MBTD1: variants seen among roughly 807,000 people sequenced by gnomAD.
MBTD1 encodes mbt domain containing 1, also known as MBT domain-containing protein 1.
In MBTD1, 24 loss-of-function variants were observed where a neutral mutation model predicts 87.8. The ratio of observed to expected loss-of-function variants is 0.27; its 90% CI spans 0.20 to 0.38. The LOEUF (loss-of-function observed/expected upper bound fraction) is 0.38, where lower values mean the gene tolerates loss of function less well. MBTD1 is among the 10% of genes least tolerant of loss of function. MBTD1 has a pLI of 1.00. For synonymous variants in MBTD1, 237 were observed against 248.6 expected (o/e 0.95, Z 0.44); for missense variants, 436 against 760.2 (o/e 0.57, Z 5.02).
At chr17:51,209,502 A>C (rs1428576103) in intron 6 of MBTD1, 4 of 470,774 alleles carry the variant, frequency 8.5e-6, no homozygotes, top group African/African-American at 8.0e-5. Context: ...CCCAACACAA[A>C]TGTATGACAA....
Position 51,259,888 on chromosome 17 carries a change from C to T in MBTD1, c.-166G>A, listed in dbSNP as rs1045307802. 6 of 1,232,054 alleles carry T rather than the reference C, an allele frequency of 4.9e-6. No homozygotes were observed. Among genetic ancestry groups the T allele is most frequent in the South Asian group, 8.2e-5 (2 of 24,364 alleles). The allele number at this position is 1,232,054 out of a possible 1,614,324, so 76.3% of individuals were successfully genotyped here. The stretch of plus-strand genomic sequence containing the variant: ...TCATGGGTAGGGGTTGTCCGTGCTC[C>T]CCGAGCCCGCGGCGCCCCCTCCCCG... On this transcript the variant is annotated 5_prime_UTR_variant, in exon 1 of 17. Transcript: ENST00000586178.
At chr17:51,249,251 G>A (rs575164860) in intron 2 of MBTD1, among the ~76,000 whole-genome samples, 1 of 151,954 alleles carries the variant, frequency 6.6e-6, no homozygotes, top group South Asian at 2.1e-4. Flanking sequence ...CAGAGTTGGG[G>A]GTGGGGGGAA....
intron 2 of MBTD1, among the ~76,000 whole-genome samples, chr17:51,248,725 C>T (rs2054597716): frequency 1.3e-5 from 2 of 152,154 alleles, no homozygotes; most frequent in South Asian, 2.1e-4. Context: ...GAGTAATACT[C>T]GTCAATGTAT....
Position 51,177,919 on chromosome 17 carries a change from G to A in MBTD1, c.*2657C>T, listed in dbSNP as rs1385175372. ...TAGCACCATAATACAAATATTGATG[G>A]GAGAGGGTATTCACATCACGCAAAA... On this transcript the variant is annotated 3_prime_UTR_variant, in exon 17 of 17. Coordinates refer to ENST00000586178, the MANE Select transcript of MBTD1 (RefSeq NM_017643.3). 1.3e-5 allele frequency: 2 copies of A among 151,974 alleles called. No homozygotes were observed. The highest frequency in any genetic ancestry group is 4.8e-5 in the African/African-American group (2 of 41,382). 9.4% of individuals were successfully genotyped at this position (151,974 alleles called of 1,614,324 possible).
intron 13 of MBTD1, among the ~76,000 whole-genome samples, chr17:51,194,956 G>A (rs2051014982): frequency 6.6e-6 from 1 of 152,158 alleles, no homozygotes; most frequent in African/African-American, 2.4e-5. Context: ...TGACTCAACA[G>A]AGTTTGAGAA....
chr17:51,243,194 T>TTG (rs768368081), intron 2 of MBTD1, among the ~76,000 whole-genome samples: 28 of 152,196 alleles, frequency 1.8e-4, no homozygotes, highest in Non-Finnish European at 3.1e-4. Flanking sequence ...TTGAGAGTGC[T>TTG]TGTTTCCCCA....
chr17:51,188,672 C>T (rs749935420), intron 16 of MBTD1, among the ~76,000 whole-genome samples: 2 of 151,324 alleles, frequency 1.3e-5, no homozygotes, highest in East Asian at 1.9e-4. Flanking sequence ...AAATAAGAGG[C>T]GGCGGCACCA....
intron 12 of MBTD1, among the ~76,000 whole-genome samples, chr17:51,197,623 T>G (rs985188134): frequency 3.2e-4 from 48 of 151,418 alleles, no homozygotes; most frequent in African/African-American, 1.1e-3. Flanking sequence ...GCTCCCACCC[T>G]AGCCTCCTGG....
chr17:51,206,061 T>A (rs957963236), intron 7 of MBTD1, among the ~76,000 whole-genome samples: 1 of 152,168 alleles, frequency 6.6e-6, no homozygotes, highest in African/African-American at 2.4e-5. Flanking sequence ...TTGGCCGATG[T>A]GAACATGCTG....
At chr17:51,220,545 G>A in intron 3 of MBTD1, 82 bp from the exon 4 acceptor site, 1 of 1,298,216 alleles carries the variant, frequency 7.7e-7, no homozygotes, top group Non-Finnish European at 1.0e-6. Flanking sequence ...AATTTCTCCT[G>A]CCATCTGAAA....
intron 7 of MBTD1, among the ~76,000 whole-genome samples, chr17:51,206,624 C>T (rs890380368): frequency 6.6e-6 from 1 of 152,122 alleles, no homozygotes; most frequent in Non-Finnish European, 1.5e-5. Flanking sequence ...TACTGGAACA[C>T]AATCATGTCC....
intron 3 of MBTD1, 144 bp downstream of exon 3, chr17:51,224,863 CA>C: frequency 2.1e-6 from 1 of 465,810 alleles, no homozygotes; most frequent in South Asian, 7.2e-5. Context: ...AACACCAACT[CA>C]GTGATCTTAT....
intron 2 of MBTD1, among the ~76,000 whole-genome samples, chr17:51,238,389 T>A (rs930615249): frequency 6.6e-6 from 1 of 152,192 alleles, no homozygotes; most frequent in Non-Finnish European, 1.5e-5. Context: ...TATGTTTCAT[T>A]ATAACATCAA....
intron 2 of MBTD1, among the ~76,000 whole-genome samples, chr17:51,246,941 TTTG>T (rs1442183794): frequency 2.0e-5 from 3 of 152,010 alleles, no homozygotes; most frequent in Non-Finnish European, 4.4e-5. Flanking sequence ...CACCTGGCCA[TTTG>T]TTTTCTTTTC....
At chr17:51,213,067 C>G (rs1188862831) in intron 6 of MBTD1, among the ~76,000 whole-genome samples, 1 of 151,736 alleles carries the variant, frequency 6.6e-6, no homozygotes, top group African/African-American at 2.4e-5. Flanking sequence ...GAGACAGTGT[C>G]TCATTCTGTC....
intron 12 of MBTD1, among the ~76,000 whole-genome samples, chr17:51,200,787 C>T (rs1302735126): frequency 6.9e-6 from 1 of 144,482 alleles, no homozygotes; most frequent in East Asian, 2.0e-4. Context: ...TCACCTGAGC[C>T]TGGGAGGCAG....
chr17:51,218,529 CAAAAAAAAAA>C (rs58563366), intron 5 of MBTD1, among the ~76,000 whole-genome samples: 51,619 of 110,602 alleles, frequency 0.47, 11,115 homozygotes, highest in South Asian at 0.65. Flanking sequence ...ACTCTGTCTC[CAAAAAAAAAA>C]AAAAAAAAAA....
chr17:51,234,665 T>C (rs2053733359), intron 2 of MBTD1, among the ~76,000 whole-genome samples: 2 of 152,186 alleles, frequency 1.3e-5, no homozygotes, highest in African/African-American at 4.8e-5. Context: ...GGAATTCTAC[T>C]TAGGAAATAC....
intron 1 of MBTD1, among the ~76,000 whole-genome samples, chr17:51,259,576 T>C (rs1015269690): frequency 1.3e-5 from 2 of 151,070 alleles, no homozygotes; most frequent in Admixed American, 1.3e-4. Flanking sequence ...AGAAAAACTT[T>C]CTTCTCGAAT....
Sources: gnomAD v4.1 joint callset for allele counts (sites outside exome capture counted in the v4.1 genomes callset) on GRCh38, gnomAD v4.1.1 for gene constraint, MANE v1.5 for transcripts, NCBI Gene and HGNC (gene_info 2026-07-23, HGNC 2026-07-21) for gene names.